Variants in PDE4B observed in about 807,000 individuals in gnomAD.
PDE4B encodes phosphodiesterase 4B.
Under a neutral mutation model 82.2 loss-of-function variants are expected in PDE4B, and 20 were observed. The observed-to-expected ratio is 0.24, with a 90% CI of 0.17 to 0.35. PDE4B has a LOEUF of 0.35. Ranked by LOEUF, PDE4B falls within the 10% of genes least tolerant of loss-of-function variation. The pLI is 1.00. For missense variants in PDE4B, 655 were observed against 907.2 expected, an observed-to-expected ratio of 0.72 and a Z score of 3.57; for synonymous variants, 320 against 318.9, an observed-to-expected ratio of 1.00 and a Z score of -0.04.
chr1:66,013,546 G>A (rs892708697), intron 3 of PDE4B, among the ~76,000 whole-genome samples: 1 of 151,928 alleles, frequency 6.6e-6, no homozygotes, highest in Non-Finnish European at 1.5e-5. Flanking sequence ...GTTCAGTAGT[G>A]TTACGTAATT....
chr1:65,946,603 G>A (rs1648726405), intron 3 of PDE4B, among the ~76,000 whole-genome samples: 1 of 151,934 alleles, frequency 6.6e-6, no homozygotes, highest in Non-Finnish European at 1.5e-5. Flanking sequence ...TGGTATGCCA[G>A]GAATTGTTTA....
chr1:66,350,277 G>A (rs1192889828), intron 8 of PDE4B, among the ~76,000 whole-genome samples: 1 of 152,098 alleles, frequency 6.6e-6, no homozygotes, highest in East Asian at 1.9e-4. Context: ...AAAACAGGAA[G>A]ATCCCACACA....
At chr1:66,266,874 A>G (rs1290400581) in intron 7 of PDE4B, 5 of 332,324 alleles carry the variant, frequency 1.5e-5, no homozygotes, top group East Asian at 8.1e-5. Flanking sequence ...GAAAAACCAC[A>G]GGAGAAACAA....
intron 3 of PDE4B, among the ~76,000 whole-genome samples, chr1:66,237,777 G>A (rs995217194): frequency 2.6e-5 from 4 of 152,126 alleles, no homozygotes; most frequent in African/African-American, 9.7e-5. Flanking sequence ...AACCATGGAG[G>A]TTATTGTTGG....
chr1:66,169,243 A>G (rs1390025616), intron 3 of PDE4B, among the ~76,000 whole-genome samples: 1 of 152,158 alleles, frequency 6.6e-6, no homozygotes, highest in Admixed American at 6.5e-5. Flanking sequence ...TGAACCTAAT[A>G]CTGTTGTGTC....
intron 3 of PDE4B, among the ~76,000 whole-genome samples, chr1:66,209,036 G>A (rs1323600595): frequency 3.3e-5 from 5 of 152,174 alleles, no homozygotes. Flanking sequence ...GAGCTGTGAT[G>A]CTCAATAATA....
chr1:65,887,766 A>G (rs1646807787), intron 1 of PDE4B, among the ~76,000 whole-genome samples: 1 of 151,906 alleles, frequency 6.6e-6, no homozygotes, highest in African/African-American at 2.4e-5. Flanking sequence ...TCTTCTTTTG[A>G]GAAATGTCAA....
At chr1:65,877,928 TATC>T (rs1392738112) in intron 1 of PDE4B, among the ~76,000 whole-genome samples, 2 of 151,950 alleles carry the variant, frequency 1.3e-5, no homozygotes, top group South Asian at 2.1e-4. Context: ...CAAAAGAAAC[TATC>T]ATCAGAGCTA....
chr1:66,372,850 G>T lies in PDE4B; in HGVS notation c.*172G>T. 1 of 616,360 alleles carries T rather than the reference G, an allele frequency of 1.6e-6. No homozygotes were observed. The allele number at this position is 616,360 out of a possible 1,614,324, so 38.2% of individuals were successfully genotyped here. A position where few individuals can be genotyped will look rare whatever the true frequency, so the allele number is the denominator to read the frequency against. The stretch of plus-strand genomic sequence containing the variant: ...GACCAGGAAGCAAATAGCAGCTCAG[G>T]AAATCCCACGGTTGACTTGCCTTGA... On this transcript the variant is annotated 3_prime_UTR_variant, in exon 17 of 17. Transcript: ENST00000341517.
At chr1:65,810,230 G>T (rs1387332199) in intron 1 of PDE4B, among the ~76,000 whole-genome samples, 1 of 152,152 alleles carries the variant, frequency 6.6e-6, no homozygotes, top group Non-Finnish European at 1.5e-5. Flanking sequence ...GGTAATTTTT[G>T]CTATTTATTT....
chr1:65,841,123 C>T (rs1264767968), intron 1 of PDE4B, among the ~76,000 whole-genome samples: 2 of 152,018 alleles, frequency 1.3e-5, no homozygotes, highest in Non-Finnish European at 2.9e-5. Flanking sequence ...ATGGTGAAAT[C>T]CCATCTCTAC....
At chr1:66,327,172 T>C (rs548714541) in intron 7 of PDE4B, among the ~76,000 whole-genome samples, 22 of 152,350 alleles carry the variant, frequency 1.4e-4, no homozygotes, top group Admixed American at 3.9e-4. Context: ...AGGACTCTGC[T>C]AACTCACACA....
intron 4 of PDE4B, among the ~76,000 whole-genome samples, chr1:66,250,820 G>T (rs1653711917): frequency 6.6e-6 from 1 of 152,282 alleles, no homozygotes; most frequent in South Asian, 2.1e-4. Flanking sequence ...TTATCCACCT[G>T]CAAAGCCACA....
chr1:66,220,822 T>C (rs1222218817), intron 3 of PDE4B, among the ~76,000 whole-genome samples: 1 of 152,114 alleles, frequency 6.6e-6, no homozygotes, highest in Non-Finnish European at 1.5e-5. Context: ...ACAAGAGAAG[T>C]TGAAAATGTT....
At chr1:65,796,650 T>A (rs1210099884) in intron 1 of PDE4B, among the ~76,000 whole-genome samples, 1 of 141,938 alleles carries the variant, frequency 7.0e-6, no homozygotes, top group Non-Finnish European at 1.5e-5. Flanking sequence ...CTGAAACTTT[T>A]TTTTTTTTTT....
chr1:65,913,184 C>T lies in PDE4B; in HGVS notation c.-70-61C>T, dbSNP rs1647116405. On this transcript the variant is annotated intron_variant, in intron 1 of 16. Coordinates refer to ENST00000341517, the MANE Select transcript of PDE4B (RefSeq NM_002600.4). ...TTCAAATGTTAATTTAGAGAGTATGCCACATATTTTTCTTTAAGGATACAG... is the reference window on the plus strand; with the variant it reads ...TTCAAATGTTAATTTAGAGAGTATGTCACATATTTTTCTTTAAGGATACAG... 3 of 658,182 alleles carry T rather than the reference C, an allele frequency of 4.6e-6. No homozygotes were observed. The East Asian group carries it at 8.2e-5, about 18-fold the overall frequency. The allele number at this position is 658,182 out of a possible 1,614,324, so 40.8% of individuals were successfully genotyped here. A position where few individuals can be genotyped will look rare whatever the true frequency, so the allele number is the denominator to read the frequency against.
At chr1:65,824,075 T>C (rs757872925) in intron 1 of PDE4B, among the ~76,000 whole-genome samples, 2 of 152,208 alleles carry the variant, frequency 1.3e-5, no homozygotes, top group Non-Finnish European at 2.9e-5. Flanking sequence ...GCATTTTATA[T>C]ACTAGGGGAT....
chr1:66,149,703 A>G (rs1258024908), intron 3 of PDE4B, among the ~76,000 whole-genome samples: 1 of 152,100 alleles, frequency 6.6e-6, no homozygotes, highest in Non-Finnish European at 1.5e-5. Context: ...AAAGTGAAAA[A>G]TTATCCAGGT....
intron 3 of PDE4B, among the ~76,000 whole-genome samples, chr1:66,085,564 G>T (rs1292166304): frequency 1.3e-5 from 2 of 152,108 alleles, no homozygotes; most frequent in Admixed American, 1.3e-4. Flanking sequence ...TACCTTCATG[G>T]AAAGCAGCTC....
Sources: gnomAD v4.1 joint callset for allele counts (sites outside exome capture counted in the v4.1 genomes callset) on GRCh38, gnomAD v4.1.1 for gene constraint, MANE v1.5 for transcripts, NCBI Gene and HGNC (gene_info 2026-07-23, HGNC 2026-07-21) for gene names.